The following CLSTN1 variants were observed in gnomAD, a reference collection of about 807,000 sequenced individuals.
CLSTN1 encodes calsyntenin-1.
A neutral mutation model predicts 108.3 loss-of-function variants in CLSTN1; 28 were observed. The observed-to-expected ratio is 0.26, with a 90% CI of 0.19 to 0.35. The LOEUF (loss-of-function observed/expected upper bound fraction) is 0.35, where lower values mean the gene tolerates loss of function less well. Ranked by LOEUF, CLSTN1 falls within the 10% of genes least tolerant of loss-of-function variation. CLSTN1 has a pLI of 1.00. For synonymous variants in CLSTN1, 524 were observed against 534.9 expected (o/e 0.98, Z 0.28); for missense variants, 1,157 against 1,302.6 (o/e 0.89, Z 1.72).
chr1:9,730,391 A>AG lies in CLSTN1; in HGVS notation c.*116dup, dbSNP rs1297345496. The AG allele has an allele frequency of 8.2e-6, 7 of 856,184 alleles. No homozygotes were observed. Among genetic ancestry groups the AG allele is most frequent in the Non-Finnish European group, 1.3e-5 (7 of 536,300 alleles). The allele number at this position is 856,184 out of a possible 1,614,324, so 53.0% of individuals were successfully genotyped here. On this transcript the variant is annotated 3_prime_UTR_variant, in exon 19 of 19. Coordinates refer to ENST00000377298, the MANE Select transcript of CLSTN1 (RefSeq NM_001009566.3). The surrounding 1 kb of genome is among the most constrained non-coding windows in gnomAD (Gnocchi z 5.6). ...AAGCACAGCGACGATCGTGGCGGGG[A>AG]GGGGTCTGCACACCTACTGGCCGAA...
intron 15 of CLSTN1, among the ~76,000 whole-genome samples, 182 bp from the exon 16 acceptor site, chr1:9,733,728 G>A (rs1650529500): frequency 1.3e-5 from 2 of 152,208 alleles, no homozygotes; most frequent in South Asian, 4.1e-4. Context: ...TCTTCCCTCT[G>A]TGGGGGACGT....
chr1:9,824,169 C>T (rs995733008), upstream of CLSTN1: 3 of 147,826 alleles, frequency 2.0e-5, no homozygotes, highest in African/African-American at 7.4e-5. The surrounding 1 kb of genome is among the most constrained non-coding windows in gnomAD (Gnocchi z 5.0). Flanking sequence ...GCCCGTCGGC[C>T]CCGCCTGGAG....
At chr1:9,746,121 G>A (rs1651255787) in intron 7 of CLSTN1, among the ~76,000 whole-genome samples, 1 of 152,058 alleles carries the variant, frequency 6.6e-6, no homozygotes, top group South Asian at 2.1e-4. Context: ...AGCCTCCCAG[G>A]TGGGCACAGA....
At chr1:9,798,262 G>C (rs1269202986) in intron 1 of CLSTN1, among the ~76,000 whole-genome samples, 2 of 152,064 alleles carry the variant, frequency 1.3e-5, no homozygotes, top group Non-Finnish European at 2.9e-5. Flanking sequence ...ACTGAAAACA[G>C]GTACTCAAAT....
intron 2 of CLSTN1, among the ~76,000 whole-genome samples, chr1:9,767,503 C>T (rs377625412): frequency 1.1e-4 from 16 of 151,348 alleles, no homozygotes; most frequent in African/African-American, 3.9e-4. Flanking sequence ...CGAGATAGCA[C>T]CACTGCACTC....
chr1:9,808,680 G>A (rs1323544443), intron 1 of CLSTN1, among the ~76,000 whole-genome samples: 1 of 152,034 alleles, frequency 6.6e-6, no homozygotes, highest in Non-Finnish European at 1.5e-5. Context: ...AGACTGAGTG[G>A]AGAAATAACA....
rs2101077401 is a variant in CLSTN1, at chr1:9,734,625, G to C, written c.2110+323C>G. ...TTCATGTGTCCTGAGCAAGAATTGT[G>C]GGGACATTGTGCCTCCATGGGCTGG... On this transcript the variant is annotated intron_variant, in intron 14 of 18. Transcript: ENST00000377298. This position sits in a 1 kb window ranked among gnomAD's most constrained non-coding sequence, Gnocchi z 4.8. Among the ~76,000 whole-genome samples, 1 of 151,574 alleles carries C rather than the reference G, an allele frequency of 6.6e-6. No homozygotes were observed. Among genetic ancestry groups the C allele is most frequent in the Admixed American group, 6.6e-5 (1 of 15,248 alleles).
chr1:9,744,704 C>A, intron 7 of CLSTN1, 61 bp from the exon 8 acceptor site: 3 of 1,521,044 alleles, frequency 2.0e-6, no homozygotes, highest in Non-Finnish European at 2.6e-6. Flanking sequence ...GCACCTCAAG[C>A]CCCCAGGCAC....
chr1:9,747,874 T>A (rs1651357465), intron 7 of CLSTN1, among the ~76,000 whole-genome samples: 1 of 151,832 alleles, frequency 6.6e-6, no homozygotes, highest in African/African-American at 2.4e-5. Context: ...AAACCCCGTT[T>A]CTACTAAAAA....
chr1:9,803,230 G>C (rs926691927), intron 1 of CLSTN1, among the ~76,000 whole-genome samples: 10 of 152,278 alleles, frequency 6.6e-5, no homozygotes, highest in Admixed American at 3.9e-4. Flanking sequence ...TATCATAAAA[G>C]GGAGGAAAGG....
intron 1 of CLSTN1, among the ~76,000 whole-genome samples, chr1:9,801,605 A>G (rs1200968466): frequency 1.3e-5 from 2 of 152,168 alleles, no homozygotes; most frequent in Non-Finnish European, 2.9e-5. Flanking sequence ...CCCAGGCTGG[A>G]GCGCAGTGGC....
chr1:9,800,741 A>AAAAAT (rs1469231823), intron 1 of CLSTN1, among the ~76,000 whole-genome samples: 1 of 149,214 alleles, frequency 6.7e-6, no homozygotes, highest in Non-Finnish European at 1.5e-5. Context: ...AAAAAAAAAT[A>AAAAAT]AAAATAAAAT....
chr1:9,786,672 A>AAC (rs1384406529), intron 1 of CLSTN1, among the ~76,000 whole-genome samples: 1 of 150,126 alleles, frequency 6.7e-6, no homozygotes, highest in Non-Finnish European at 1.5e-5. Flanking sequence ...AAAAAAAAAA[A>AAC]ACAAAGGTGA....
At position 9,751,435 on chromosome 1, in the gene CLSTN1, T is replaced by C. The variant is rs777191361; in HGVS notation, c.649+38A>G. 3 of 1,601,540 alleles carry C rather than the reference T, an allele frequency of 1.9e-6. No homozygotes were observed. The African/African-American group carries it at 4.0e-5, about 21-fold the overall frequency. ...TAAAGTCAGTGGGGTTAGCAGGGAC[T>C]GTCTACCTAGCTGAAAAGCCGGCTC... On this transcript the variant is annotated intron_variant, in intron 5 of 18. Transcript: ENST00000377298.
At chr1:9,733,660 G>C in intron 15 of CLSTN1, 114 bp from the exon 16 acceptor site, 2 of 1,273,280 alleles carry the variant, frequency 1.6e-6, no homozygotes, top group Non-Finnish European at 2.2e-6. Flanking sequence ...GCTAGGCCAA[G>C]GGGTCACACA....
intron 2 of CLSTN1, among the ~76,000 whole-genome samples, chr1:9,770,494 C>A (rs1041319641): frequency 1.3e-5 from 2 of 152,250 alleles, no homozygotes; most frequent in Non-Finnish European, 2.9e-5. Flanking sequence ...AGGCAGCTGT[C>A]CCGCCTGGGC....
intron 11 of CLSTN1, 111 bp downstream of exon 11, chr1:9,737,387 A>G (rs1394782572): frequency 3.3e-6 from 3 of 915,882 alleles, no homozygotes; most frequent in Non-Finnish European, 5.5e-6. Flanking sequence ...AGCAGCTCAG[A>G]TGGTGTCCAG....
intron 1 of CLSTN1, among the ~76,000 whole-genome samples, chr1:9,805,883 A>G (rs1027592741): frequency 9.9e-5 from 15 of 152,024 alleles, no homozygotes; most frequent in South Asian, 2.1e-4. Flanking sequence ...AAAAAAAAAA[A>G]AAAGTTATTT....
chr1:9,771,680 T>G (rs970234508), intron 2 of CLSTN1, among the ~76,000 whole-genome samples: 8 of 152,108 alleles, frequency 5.3e-5, no homozygotes, highest in African/African-American at 1.9e-4. Context: ...ATGCTGTGTG[T>G]GTGTTCACGG....
Sources: allele counts gnomAD v4.1 joint callset (sites outside exome capture counted in the v4.1 genomes callset), GRCh38; gene constraint gnomAD v4.1.1; non-coding constraint Gnocchi (gnomAD v3.1); transcripts MANE v1.5; gene names NCBI Gene and HGNC (gene_info 2026-07-23, HGNC 2026-07-21).